ZC3H18: variants seen among roughly 807,000 people sequenced by gnomAD.
ZC3H18 encodes the protein zinc finger CCCH-type containing 18.
ZC3H18 carries 8 observed loss-of-function variants against 106.1 expected under a neutral mutation model. That is an observed-to-expected ratio of 0.08 (90% CI 0.04 to 0.14). The LOEUF is 0.14. Among genes scored for constraint, ZC3H18 ranks in the 10% least tolerant of loss-of-function variants. The pLI, the probability that ZC3H18 is intolerant of heterozygous loss-of-function variation, is 1.00. For synonymous variants in ZC3H18, 635 were observed against 522.1 expected (o/e 1.22, Z -2.95); for missense variants, 1,318 against 1,278.4 (o/e 1.03, Z -0.47).
intron 6 of ZC3H18, among the ~76,000 whole-genome samples, chr16:88,601,005 G>A (rs969762017): frequency 6.6e-6 from 1 of 152,226 alleles, no homozygotes; most frequent in African/African-American, 2.4e-5. Context: ...AAAAAGGAAG[G>A]CGTGCAGGGC....
intron 6 of ZC3H18, 112 bp from the exon 7 acceptor site, chr16:88,608,822 A>G: frequency 1.2e-6 from 1 of 840,754 alleles, no homozygotes; most frequent in Middle Eastern, 2.4e-4. Flanking sequence ...GCGCTCCTGG[A>G]GTAAACCCCA....
At position 88,611,530 on chromosome 16, in the gene ZC3H18, C is replaced by T. The variant is rs76746268; in HGVS notation, c.1469C>T (p.Pro490Leu). 1.3e-5 allele frequency: 20 copies of T among 1,549,684 alleles called. No individual in the cohort carries two copies. The highest frequency in any genetic ancestry group is 7.3e-5 in the East Asian group (3 of 40,900). The change falls in exon 8 of 18, where the codon CCG becomes CTG. Residue 490 changes from proline (P) to leucine (L), a missense_variant. Physicochemically the swap from Pro to Leu is moderately conservative, Grantham distance 98. Around this residue, in one of 6 missense-constraint regions of ZC3H18, gnomAD observed 848 missense variants for 821.7 expected, o/e 1.03. Coordinates refer to ENST00000301011, the MANE Select transcript of ZC3H18 (RefSeq NM_144604.4). ...KGKPKPRSPQPPSRQAEPPKK... is the reference protein window; with the variant it reads ...KGKPKPRSPQLPSRQAEPPKK... ...AAGCCCAAGCCCCGCTCCCCGCAGC[C>T]GCCAAGGTAGACCCTGCTTCCTGAA...
chr16:88,577,799 G>C lies in ZC3H18; in HGVS notation c.603+73G>C, dbSNP rs966398928. The C allele has an allele frequency of 1.4e-5, 23 of 1,607,514 alleles. No homozygotes were observed. The Admixed American group carries it at 3.5e-4, about 25-fold the overall frequency. On this transcript the variant is annotated intron_variant, in intron 2 of 17. Coordinates refer to ENST00000301011, the MANE Select transcript of ZC3H18 (RefSeq NM_144604.4). ...TGACATAGACTGGTGCTGGAAAGGA[G>C]GGACTCTGTGTGGGACTGACTTAGT...
At chr16:88,591,105 G>T (rs990802624) in intron 3 of ZC3H18, among the ~76,000 whole-genome samples, 6 of 151,960 alleles carry the variant, frequency 3.9e-5, no homozygotes, top group Non-Finnish European at 8.8e-5. Context: ...TGAGTAGTTG[G>T]AACTACAGGC....
chr16:88,573,472 T>C (rs890470301), intron 1 of ZC3H18, among the ~76,000 whole-genome samples: 35 of 152,168 alleles, frequency 2.3e-4, no homozygotes, highest in African/African-American at 8.2e-4. Context: ...ATCCTTGCTT[T>C]TGTTGCCTTG....
intron 2 of ZC3H18, among the ~76,000 whole-genome samples, chr16:88,579,436 C>T (rs949088046): frequency 6.6e-6 from 1 of 152,112 alleles, no homozygotes; most frequent in Non-Finnish European, 1.5e-5. Flanking sequence ...TGGCTGCAGA[C>T]CCTCAAGTCT....
At chr16:88,607,080 C>T (rs769339702) in intron 6 of ZC3H18, among the ~76,000 whole-genome samples, 2 of 152,176 alleles carry the variant, frequency 1.3e-5, no homozygotes, top group Non-Finnish European at 2.9e-5. Context: ...GCAGGCCCCC[C>T]CCAACCCTGT....
At position 88,570,538 on chromosome 16, in the gene ZC3H18, C is replaced by T. The variant is rs1421317504; in HGVS notation, c.-43C>T. On this transcript the variant is annotated 5_prime_UTR_variant, in exon 1 of 18. Coordinates refer to ENST00000301011, the MANE Select transcript of ZC3H18 (RefSeq NM_144604.4). ...CACGCCGCTCCGACTCCAGGGGAGCCGTGGCCTCCTCTCCGCCCTAGCGCT... is the reference window on the plus strand; with the variant it reads ...CACGCCGCTCCGACTCCAGGGGAGCTGTGGCCTCCTCTCCGCCCTAGCGCT... 1.3e-5 allele frequency: 2 copies of T among 151,908 alleles called. No individual in the cohort carries two copies. The highest frequency in any genetic ancestry group is 2.4e-5 in the African/African-American group (1 of 41,372). The allele number at this position is 151,908 out of a possible 1,614,324, so 9.4% of individuals were successfully genotyped here.
rs2142673336 is a variant in ZC3H18, at chr16:88,598,334, A to G, written c.837+8A>G. The G allele has an allele frequency of 1.3e-6, 2 of 1,590,910 alleles. No individual in the cohort carries two copies. The highest frequency in any genetic ancestry group is 1.7e-6 in the Non-Finnish European group (2 of 1,171,696). ...ATGCCCGCCAACCCTTGGGTGCGTG[A>G]TGCCTCTTCTTTCATTGTTAGCACA... On this transcript the variant is annotated splice_region_variant and intron_variant, in intron 4 of 17. Transcript: ENST00000301011.
intron 6 of ZC3H18, among the ~76,000 whole-genome samples, chr16:88,605,272 A>C (rs1351290523): frequency 6.6e-6 from 1 of 152,246 alleles, no homozygotes; most frequent in African/African-American, 2.4e-5. Flanking sequence ...CCACAGACTC[A>C]GGGCAGATGG....
Position 88,577,612 on chromosome 16 carries a change from C to T in ZC3H18, c.489C>T (p.Pro163=), listed in dbSNP as rs1242788030. The change falls in exon 2 of 18, where the codon CCC becomes CCT. Residue 163 remains proline (P), a synonymous_variant. Transcript: ENST00000301011. The stretch of plus-strand genomic sequence containing the variant: ...ATGAGGAGAAAGGCGAAGGCACTCC[C>T]AGGGAGGAGGGGAAGGCTGGTGTTC... ...EDDEEKGEGT[P]REEGKAGVQS... 6.2e-7 allele frequency: 1 copy of T among 1,613,730 alleles called. No individual in the cohort carries two copies. The highest frequency in any genetic ancestry group is 8.5e-7 in the Non-Finnish European group (1 of 1,180,010).
At chr16:88,591,370 C>G (rs1050542143) in intron 3 of ZC3H18, among the ~76,000 whole-genome samples, 1 of 152,088 alleles carries the variant, frequency 6.6e-6, no homozygotes, top group Admixed American at 6.5e-5. Flanking sequence ...GTTAGGAGTT[C>G]GAGACCAGAC....
At chr16:88,623,040 T>C in intron 9 of ZC3H18, 179 bp from the exon 10 acceptor site, 1 of 795,190 alleles carries the variant, frequency 1.3e-6, no homozygotes, top group Non-Finnish European at 1.9e-6. Flanking sequence ...CACTGAAGAG[T>C]GTCTGGGGGA....
At chr16:88,570,936 C>T (rs921087949) in intron 1 of ZC3H18, among the ~76,000 whole-genome samples, 1 of 152,260 alleles carries the variant, frequency 6.6e-6, no homozygotes, top group Admixed American at 6.5e-5. Flanking sequence ...CCCAGATTCA[C>T]CTCCAGAGTA....
intron 8 of ZC3H18, among the ~76,000 whole-genome samples, chr16:88,618,386 G>A (rs746808925): frequency 5.9e-5 from 9 of 152,188 alleles, no homozygotes; most frequent in Admixed American, 3.9e-4. Context: ...GGCTCAGCCC[G>A]GGGAGGCCCA....
At chr16:88,625,302 TC>T in intron 13 of ZC3H18, 35 bp downstream of exon 13, 2 of 1,561,182 alleles carry the variant, frequency 1.3e-6, no homozygotes, top group Non-Finnish European at 1.7e-6. Context: ...TGTTTCTCCC[TC>T]CCCGTCGGGG....
At chr16:88,617,775 G>A (rs533918357) in intron 8 of ZC3H18, among the ~76,000 whole-genome samples, 21 of 152,332 alleles carry the variant, frequency 1.4e-4, no homozygotes, top group Admixed American at 1.2e-3. Flanking sequence ...GGTAAGTTCC[G>A]GACACCGCAG....
intron 3 of ZC3H18, among the ~76,000 whole-genome samples, chr16:88,596,168 C>A (rs891274652): frequency 1.3e-5 from 2 of 152,194 alleles, no homozygotes; most frequent in African/African-American, 4.8e-5. Context: ...TCTCAGCTTG[C>A]TCTTTGGCGC....
At position 88,619,082 on chromosome 16, in the gene ZC3H18, G is replaced by C. The variant is rs995688008; in HGVS notation, c.1476-3115G>C. ...AGAAGGGCACATGCCTCGGTTCCCT[G>C]GGCTGTAGAAAGCCAGTGCTCAGCC... On this transcript the variant is annotated intron_variant, in intron 8 of 17. Transcript: ENST00000301011. Among the ~76,000 whole-genome samples the C allele has an allele frequency of 3.9e-4, 59 of 152,190 alleles. 1 individual carries two copies. The highest frequency in any genetic ancestry group is 3.9e-3 in the Admixed American group (59 of 15,280).
Sources: allele counts gnomAD v4.1 joint callset (sites outside exome capture counted in the v4.1 genomes callset), GRCh38; gene constraint gnomAD v4.1.1; regional missense constraint gnomAD v4.1.1; transcripts MANE v1.5; gene names NCBI Gene and HGNC (gene_info 2026-07-23, HGNC 2026-07-21).